EBF1: variants seen among roughly 807,000 people sequenced by gnomAD.
EBF1 encodes the protein EBF transcription factor 1.
A neutral mutation model predicts 68.4 loss-of-function variants in EBF1; 10 were observed. The observed-to-expected ratio is 0.15, with a 90% CI of 0.09 to 0.25. The LOEUF is 0.25. EBF1 is among the 10% of genes least tolerant of loss of function. The pLI, the probability that EBF1 is intolerant of heterozygous loss-of-function variation, is 1.00. For missense variants in EBF1, 509 were observed against 794.4 expected, an observed-to-expected ratio of 0.64 and a Z score of 4.32; for synonymous variants, 298 against 299.8, an observed-to-expected ratio of 0.99 and a Z score of 0.06.
Position 158,698,608 on chromosome 5 carries a change from T to A in EBF1, c.*503A>T, listed in dbSNP as rs777295857. 4.6e-6 allele frequency: 1 copy of A among 216,396 alleles called. No individual in the cohort carries two copies. The highest frequency in any genetic ancestry group is 2.3e-5 in the African/African-American group (1 of 44,168). The allele number at this position is 216,396 out of a possible 1,614,324, so 13.4% of individuals were successfully genotyped here. ...GCCGACCCTTAGTTTTTCTAAAAAA[T>A]CTAACTGGCATTCCTATTCTGTCCC... is the stretch of plus-strand genomic sequence containing the variant. On this transcript the variant is annotated 3_prime_UTR_variant, in exon 16 of 16. Coordinates refer to ENST00000313708, the MANE Select transcript of EBF1 (RefSeq NM_024007.5).
chr5:158,750,921 T>C (rs1768716181), intron 10 of EBF1, among the ~76,000 whole-genome samples: 1 of 152,102 alleles, frequency 6.6e-6, no homozygotes, highest in Admixed American at 6.6e-5. Context: ...CTTAAATTTC[T>C]AGCAATAGTG....
chr5:159,021,028 C>G (rs1766579282), intron 6 of EBF1, among the ~76,000 whole-genome samples: 1 of 152,248 alleles, frequency 6.6e-6, no homozygotes, highest in Admixed American at 6.5e-5. Flanking sequence ...GGGTGTGTTT[C>G]AGTCTTCTCT....
intron 6 of EBF1, among the ~76,000 whole-genome samples, chr5:158,896,060 G>T (rs1802119722): frequency 6.6e-6 from 1 of 152,092 alleles, no homozygotes; most frequent in Non-Finnish European, 1.5e-5. Flanking sequence ...AACAAGGAAA[G>T]GTTCTTTAGC....
intron 6 of EBF1, among the ~76,000 whole-genome samples, chr5:158,885,569 T>A (rs1171989440): frequency 1.3e-5 from 2 of 152,072 alleles, no homozygotes; most frequent in Admixed American, 6.5e-5. Context: ...ACCCACACAA[T>A]CATCATCATA....
At chr5:159,098,296 C>A (rs1370309643) in intron 1 of EBF1, among the ~76,000 whole-genome samples, 1 of 152,202 alleles carries the variant, frequency 6.6e-6, no homozygotes, top group East Asian at 1.9e-4. Context: ...CCTCCAAGGG[C>A]AATGCCTCCA....
chr5:158,960,737 A>G (rs1160680089), intron 6 of EBF1, among the ~76,000 whole-genome samples: 6 of 152,222 alleles, frequency 3.9e-5, no homozygotes, highest in African/African-American at 1.4e-4. Flanking sequence ...AGACTAGGTC[A>G]AAAAGGCCTG....
intron 15 of EBF1, among the ~76,000 whole-genome samples, chr5:158,703,201 T>C (rs1462812267): frequency 6.6e-6 from 1 of 152,186 alleles, no homozygotes; most frequent in Admixed American, 6.5e-5. Context: ...GGACAAAGAC[T>C]GAGCATAGTT....
chr5:158,843,784 A>G (rs1790822256), intron 6 of EBF1, among the ~76,000 whole-genome samples: 1 of 152,162 alleles, frequency 6.6e-6, no homozygotes, highest in Non-Finnish European at 1.5e-5. Context: ...AGGAACTGAG[A>G]GGAGTTAGAA....
chr5:159,077,170 T>C (rs1778922825), intron 5 of EBF1, among the ~76,000 whole-genome samples: 1 of 152,222 alleles, frequency 6.6e-6, no homozygotes, highest in South Asian at 2.1e-4. Flanking sequence ...CATGGTGGAT[T>C]ACACCTATAA....
chr5:158,798,458 G>T (rs1010542349), intron 8 of EBF1, among the ~76,000 whole-genome samples: 10 of 152,016 alleles, frequency 6.6e-5, no homozygotes, highest in Non-Finnish European at 1.3e-4. Context: ...ACGGTCTCCT[G>T]CAGGCTTTCT....
At chr5:158,993,792 A>C (rs1211603955) in intron 6 of EBF1, among the ~76,000 whole-genome samples, 1 of 152,214 alleles carries the variant, frequency 6.6e-6, no homozygotes, top group Non-Finnish European at 1.5e-5. Flanking sequence ...ACAAACCAGC[A>C]AAAGCAAAAC....
intron 6 of EBF1, among the ~76,000 whole-genome samples, chr5:159,009,680 G>A (rs1458876980): frequency 1.3e-5 from 2 of 151,788 alleles, no homozygotes; most frequent in African/African-American, 4.8e-5. Flanking sequence ...TCAGGAGGCT[G>A]AGGCAGGAGA....
At chr5:158,960,583 A>C (rs1817985331) in intron 6 of EBF1, among the ~76,000 whole-genome samples, 1 of 152,230 alleles carries the variant, frequency 6.6e-6, no homozygotes, top group South Asian at 2.1e-4. Flanking sequence ...TGTTTTTAAA[A>C]AATAGGTTCT....
At chr5:158,746,655 A>AAACAAG (rs1158552287) in intron 10 of EBF1, among the ~76,000 whole-genome samples, 15 of 152,172 alleles carry the variant, frequency 9.9e-5, no homozygotes, top group Non-Finnish European at 1.6e-4. Flanking sequence ...AGGAAAAAAA[A>AAACAAG]AGTGACCTTC....
chr5:159,026,569 TC>T (rs1767752904), intron 6 of EBF1, among the ~76,000 whole-genome samples: 1 of 152,010 alleles, frequency 6.6e-6, no homozygotes, highest in Admixed American at 6.6e-5. Context: ...GCTCTTACCA[TC>T]CCAACGAAGT....
intron 6 of EBF1, among the ~76,000 whole-genome samples, chr5:159,043,061 C>T (rs1344457530): frequency 2.0e-5 from 3 of 152,146 alleles, no homozygotes; most frequent in Non-Finnish European, 4.4e-5. Flanking sequence ...CTAATTGAAT[C>T]AGGTACCTAT....
intron 10 of EBF1, among the ~76,000 whole-genome samples, chr5:158,750,356 G>A (rs1264720483): frequency 6.6e-6 from 1 of 152,050 alleles, no homozygotes; most frequent in Non-Finnish European, 1.5e-5. Flanking sequence ...TCAAACAAAT[G>A]ATAAGAGAGG....
chr5:158,814,036 A>G lies in EBF1; in HGVS notation c.778+9140T>C, dbSNP rs533345236. On this transcript the variant is annotated intron_variant, in intron 8 of 15. Transcript: ENST00000313708. The stretch of plus-strand genomic sequence containing the variant: ...TTATGATGCTTTTGTAACCAAATAT[A>G]AGACAAAAAAAATTAGGCTTAAAAA... 1.3e-3 allele frequency among the ~76,000 whole-genome samples: 191 copies of G among 152,256 alleles called. 3 individuals carry two copies. In the South Asian group the frequency reaches 0.013, roughly 10 times the overall value.
At position 158,823,852 on chromosome 5, in the gene EBF1, C is replaced by T. The variant is rs192941733; in HGVS notation, c.637-535G>A. On this transcript the variant is annotated intron_variant, in intron 7 of 15. Transcript: ENST00000313708. The stretch of plus-strand genomic sequence containing the variant: ...TTCTTTCCACATTAGTTTGGTTCAT[C>T]AGACCAAAGTCCCCCTCACTACTAT... Among the ~76,000 whole-genome samples the T allele has an allele frequency of 2.2e-3, 335 of 152,172 alleles. 3 individuals are homozygous for T. Among genetic ancestry groups the T allele is most frequent in the African/African-American group, 7.9e-3 (328 of 41,530 alleles).
Sources: gnomAD v4.1 joint callset for allele counts (sites outside exome capture counted in the v4.1 genomes callset) on GRCh38, gnomAD v4.1.1 for gene constraint, MANE v1.5 for transcripts, NCBI Gene and HGNC (gene_info 2026-07-23, HGNC 2026-07-21) for gene names.